PRKG1: variants seen among roughly 807,000 people sequenced by gnomAD.
PRKG1 encodes cGMP-dependent protein kinase 1.
A neutral mutation model predicts 88.1 loss-of-function variants in PRKG1; 35 were observed. The observed-to-expected ratio is 0.40, with a 90% CI of 0.30 to 0.53. PRKG1 has a LOEUF of 0.53. Among genes scored for constraint, PRKG1 ranks in the 20% least tolerant of loss-of-function variants. The probability of loss-of-function intolerance (pLI) is 0.59; values close to 1 mark genes in which losing one functional copy is unlikely to be tolerated. For synonymous variants in PRKG1, 303 were observed against 292.5 expected (o/e 1.04, Z -0.37); for missense variants, 540 against 839.8 (o/e 0.64, Z 4.41).
intron 1 of PRKG1, among the ~76,000 whole-genome samples, chr10:51,008,715 A>G (rs958835154): frequency 2.7e-4 from 41 of 152,170 alleles, no homozygotes; most frequent in Non-Finnish European, 3.1e-4. Flanking sequence ...TCACAGTTGT[A>G]CCATACACCT....
At chr10:52,276,511 A>G (rs1841878165) in intron 12 of PRKG1, among the ~76,000 whole-genome samples, 1 of 152,130 alleles carries the variant, frequency 6.6e-6, no homozygotes, top group Admixed American at 6.6e-5. Flanking sequence ...ATTAAATTTT[A>G]ATTTGAGTCT....
intron 9 of PRKG1, among the ~76,000 whole-genome samples, chr10:52,205,309 C>G (rs1029874092): frequency 3.3e-5 from 5 of 152,264 alleles, no homozygotes; most frequent in Non-Finnish European, 7.4e-5. Flanking sequence ...TTGAAAATTG[C>G]TAATAAAAAC....
intron 2 of PRKG1, among the ~76,000 whole-genome samples, chr10:51,386,469 T>A (rs1837251335): frequency 6.6e-6 from 1 of 152,100 alleles, no homozygotes; most frequent in Non-Finnish European, 1.5e-5. Flanking sequence ...CAGAAACCAA[T>A]GAGCTAGAGG....
At chr10:52,006,225 A>C (rs1844732811) in intron 5 of PRKG1, among the ~76,000 whole-genome samples, 1 of 152,218 alleles carries the variant, frequency 6.6e-6, no homozygotes, top group Non-Finnish European at 1.5e-5. Flanking sequence ...AAGCCAGAGC[A>C]CTTTCTTTCT....
rs567463757 is a variant in PRKG1, at chr10:51,742,762, G to T, written c.593-61823G>T. Among the ~76,000 whole-genome samples the T allele has an allele frequency of 3.3e-5, 5 of 152,186 alleles. No individual in the cohort carries two copies. In the East Asian group the frequency reaches 7.7e-4, roughly 24 times the overall value. ...CCGGGAGGTCAGGAGAAATTTGGGAGAAATCAACTCTTTATGTGGTAAATG... is the reference window on the plus strand; with the variant it reads ...CCGGGAGGTCAGGAGAAATTTGGGATAAATCAACTCTTTATGTGGTAAATG... On this transcript the variant is annotated intron_variant, in intron 3 of 17. Coordinates refer to ENST00000373980, the MANE Select transcript of PRKG1 (RefSeq NM_006258.4).
intron 2 of PRKG1, among the ~76,000 whole-genome samples, chr10:51,322,227 C>T (rs926361568): frequency 5.9e-5 from 9 of 152,090 alleles, no homozygotes; most frequent in South Asian, 2.1e-4. Flanking sequence ...TGCTTTTCTA[C>T]GTTACTAAAA....
At chr10:52,196,735 T>C (rs1411401626) in intron 9 of PRKG1, among the ~76,000 whole-genome samples, 3 of 152,136 alleles carry the variant, frequency 2.0e-5, no homozygotes, top group African/African-American at 7.2e-5. Context: ...TAGGATCTAT[T>C]AGAAGTAGAT....
intron 1 of PRKG1, among the ~76,000 whole-genome samples, chr10:51,090,326 A>T (rs1844369138): frequency 6.6e-6 from 1 of 152,184 alleles, no homozygotes; most frequent in Non-Finnish European, 1.5e-5. Context: ...AGTAATGACA[A>T]GGTCCTGGAG....
chr10:51,945,494 C>T lies in PRKG1; in HGVS notation c.762+37924C>T, dbSNP rs1210942919. ...TTGTTATGTGTGAATCTGATCCTGT[C>T]ATTATGATGTTAGCTGGTTATTTTG... is the stretch of plus-strand genomic sequence containing the variant. On this transcript the variant is annotated intron_variant, in intron 5 of 17. Coordinates refer to ENST00000373980, the MANE Select transcript of PRKG1 (RefSeq NM_006258.4). 4.6e-5 allele frequency among the ~76,000 whole-genome samples: 7 copies of T among 151,764 alleles called. No individual in the cohort carries two copies. In the South Asian group the frequency reaches 1.5e-3, roughly 32 times the overall value.
intron 7 of PRKG1, among the ~76,000 whole-genome samples, chr10:52,115,370 G>A (rs1349908537): frequency 1.3e-5 from 2 of 151,962 alleles, no homozygotes; most frequent in Non-Finnish European, 2.9e-5. Flanking sequence ...TTTTTCTGTC[G>A]CAAAGGTGAT....
At chr10:51,637,290 A>G (rs541951937) in intron 3 of PRKG1, among the ~76,000 whole-genome samples, 36 of 152,314 alleles carry the variant, frequency 2.4e-4, no homozygotes, top group South Asian at 1.2e-3. Context: ...GAGGTTGTGG[A>G]GAAAAAGGAA....
chr10:51,693,279 C>T (rs145406515), intron 3 of PRKG1, among the ~76,000 whole-genome samples: 31 of 123,808 alleles, frequency 2.5e-4, no homozygotes, highest in African/African-American at 9.6e-4. Flanking sequence ...CAAAGTGAGA[C>T]ACCACCTCAA....
chr10:51,068,908 A>G (rs1051782319), intron 1 of PRKG1, among the ~76,000 whole-genome samples: 2 of 152,032 alleles, frequency 1.3e-5, no homozygotes, highest in Non-Finnish European at 2.9e-5. Context: ...ATTCTATTTT[A>G]TGCATTTAAA....
chr10:51,174,188 T>G (rs1019603420), intron 2 of PRKG1, among the ~76,000 whole-genome samples: 8 of 151,928 alleles, frequency 5.3e-5, no homozygotes, highest in African/African-American at 1.9e-4. Context: ...TTGGGCACTA[T>G]AAGAATATAT....
At chr10:51,627,739 T>C (rs923938784) in intron 3 of PRKG1, among the ~76,000 whole-genome samples, 6 of 152,174 alleles carry the variant, frequency 3.9e-5, no homozygotes, top group African/African-American at 1.4e-4. Context: ...TCTAACTCAC[T>C]GTTTTTCTGA....
chr10:52,267,460 G>A (rs1321829541), intron 10 of PRKG1, among the ~76,000 whole-genome samples: 1 of 151,830 alleles, frequency 6.6e-6, no homozygotes, highest in Non-Finnish European at 1.5e-5. Flanking sequence ...TTCATGATGA[G>A]AGTTTTACTT....
intron 5 of PRKG1, among the ~76,000 whole-genome samples, chr10:51,982,019 T>G (rs1047524475): frequency 1.3e-5 from 2 of 152,182 alleles, no homozygotes; most frequent in African/African-American, 4.8e-5. Flanking sequence ...TCCTTTTTAT[T>G]TTTTTCTCTA....
At chr10:51,706,812 G>A (rs1328793604) in intron 3 of PRKG1, among the ~76,000 whole-genome samples, 2 of 152,220 alleles carry the variant, frequency 1.3e-5, no homozygotes, top group East Asian at 1.9e-4. Flanking sequence ...TCTTTTAAAT[G>A]AGAGTAATGT....
intron 3 of PRKG1, among the ~76,000 whole-genome samples, chr10:51,650,379 A>G (rs1840011023): frequency 6.6e-6 from 1 of 152,144 alleles, no homozygotes. Context: ...TCCTAGAATC[A>G]TTATATCCCC....
Sources: gnomAD v4.1 joint callset for allele counts (sites outside exome capture counted in the v4.1 genomes callset) on GRCh38, gnomAD v4.1.1 for gene constraint, MANE v1.5 for transcripts, NCBI Gene and HGNC (gene_info 2026-07-23, HGNC 2026-07-21) for gene names.